Variants in CDK7 observed in about 807,000 individuals in gnomAD.
CDK7 encodes cyclin dependent kinase 7.
CDK7 carries 25 observed loss-of-function variants against 49.1 expected under a neutral mutation model. The observed-to-expected ratio is 0.51, with a 90% CI of 0.37 to 0.71. The LOEUF is 0.71. CDK7 is among the 30% of genes least tolerant of loss of function. CDK7 has a pLI of 0.00. For missense variants in CDK7, 316 were observed against 411.7 expected (o/e 0.77, Z 2.01); for synonymous variants, 107 against 140.0 (o/e 0.76, Z 1.67).
rs1407030851 is a variant in CDK7, at chr5:69,276,766, A to C, written c.1012+76A>C. ...TAGCTCGTGTATGGCTAGCGACTGAACAACAGCAAAGAAATGTAGCTTGCT... is the reference window on the plus strand; with the variant it reads ...TAGCTCGTGTATGGCTAGCGACTGACCAACAGCAAAGAAATGTAGCTTGCT... On this transcript the variant is annotated intron_variant, in intron 11 of 11. Transcript: ENST00000256443. 14 of 1,228,654 alleles carry C rather than the reference A, an allele frequency of 1.1e-5. No individual in the cohort carries two copies. The East Asian group carries it at 2.8e-4, about 25-fold the overall frequency. The allele number at this position is 1,228,654 out of a possible 1,614,324, so 76.1% of individuals were successfully genotyped here.
chr5:69,271,455 G>A (rs1388787385), intron 9 of CDK7, among the ~76,000 whole-genome samples: 1 of 150,542 alleles, frequency 6.6e-6, no homozygotes, highest in South Asian at 2.1e-4. Context: ...TCATCCTTTT[G>A]GTGTCAAGTC....
intron 2 of CDK7, among the ~76,000 whole-genome samples, chr5:69,239,416 A>T (rs1749218713): frequency 6.6e-6 from 1 of 151,194 alleles, no homozygotes; most frequent in African/African-American, 2.4e-5. Flanking sequence ...TGTCCTATTG[A>T]TTTATTGGAC....
At chr5:69,262,095 T>A in intron 7 of CDK7, 110 bp from the exon 8 acceptor site, 2 of 1,323,776 alleles carry the variant, frequency 1.5e-6, no homozygotes, top group Admixed American at 3.6e-5. Flanking sequence ...GTCCTTAAAG[T>A]AAGGGATTGC....
In CDK7 at chr5:69,258,114, A is replaced by C; in HGVS notation, c.369A>C (p.Gln123His). The change falls in exon 6 of 12, where the codon CAA becomes CAC. Residue 123 changes from glutamine to histidine, a missense_variant. By Grantham distance (24) the Gln-to-His change is conservative. Transcript: ENST00000256443. ...HIKAYMLMTL[Q>H]GLEYLHQHWI... ...AAGCCTACATGTTGATGACTCTTCA[A>C]GGATTAGAATATTTACATCAACATT... 1.3e-6 allele frequency: 2 copies of C among 1,590,524 alleles called. No homozygotes were observed. Among genetic ancestry groups the C allele is most frequent in the South Asian group, 2.3e-5 (2 of 88,508 alleles).
intron 8 of CDK7, among the ~76,000 whole-genome samples, chr5:69,267,664 T>G (rs896528526): frequency 7.0e-6 from 1 of 142,008 alleles, no homozygotes; most frequent in Admixed American, 7.2e-5. Flanking sequence ...CATTAATTCC[T>G]TAATAAAATC....
intron 10 of CDK7, among the ~76,000 whole-genome samples, chr5:69,274,743 G>A (rs1179406544): frequency 6.6e-6 from 1 of 152,004 alleles, no homozygotes; most frequent in African/African-American, 2.4e-5. Context: ...AGCCTCCCTA[G>A]TAGCTGGGAT....
chr5:69,240,689 G>A (rs1176085404), intron 2 of CDK7, among the ~76,000 whole-genome samples: 4 of 152,144 alleles, frequency 2.6e-5, no homozygotes, highest in Admixed American at 2.0e-4. Flanking sequence ...GTGCAATGGC[G>A]CGATCTCGGC....
chr5:69,271,077 T>A (rs553304458), intron 9 of CDK7, among the ~76,000 whole-genome samples: 1 of 152,362 alleles, frequency 6.6e-6, no homozygotes, highest in African/African-American at 2.4e-5. Flanking sequence ...CTGTTTTACA[T>A]TCTCATCAGC....
rs1436390965 is a variant in CDK7 at position 69,235,051 on chromosome 5, T to G, written c.66+10T>G. 6.3e-7 allele frequency: 1 copy of G among 1,597,484 alleles called. No individual in the cohort carries two copies. The highest frequency in any genetic ancestry group is 1.1e-5 in the South Asian group (1 of 88,210). Reference sequence around the variant, plus strand: ...CCTTGGGGAGGGACAGGTGAGGCTCTCTGGAAGGACGGGGAGGGCCCCAAG... The same window carrying G: ...CCTTGGGGAGGGACAGGTGAGGCTCGCTGGAAGGACGGGGAGGGCCCCAAG... On this transcript the variant is annotated intron_variant, in intron 1 of 11. Coordinates refer to ENST00000256443, the MANE Select transcript of CDK7 (RefSeq NM_001799.4).
intron 2 of CDK7, among the ~76,000 whole-genome samples, chr5:69,240,402 A>AATGTCTGT (rs1406952003): frequency 6.6e-6 from 1 of 152,152 alleles, no homozygotes; most frequent in Non-Finnish European, 1.5e-5. Flanking sequence ...GTTATGTAAG[A>AATGTCTGT]ATGTCTGTAT....
At chr5:69,239,279 T>G (rs1359402505) in intron 2 of CDK7, among the ~76,000 whole-genome samples, 1 of 152,234 alleles carries the variant, frequency 6.6e-6, no homozygotes, top group Non-Finnish European at 1.5e-5. Context: ...TTACGTAGAT[T>G]GAAAATGGTA....
chr5:69,261,707 T>C (rs1750837871), intron 7 of CDK7, among the ~76,000 whole-genome samples: 1 of 152,058 alleles, frequency 6.6e-6, no homozygotes, highest in South Asian at 2.1e-4. Flanking sequence ...ATTTTTTGTA[T>C]TTTTAGTAGA....
At chr5:69,243,845 T>G (rs1335120893) in intron 2 of CDK7, among the ~76,000 whole-genome samples, 2 of 142,338 alleles carry the variant, frequency 1.4e-5, no homozygotes, top group African/African-American at 2.6e-5. Context: ...TTTTTTTTTT[T>G]TTTTTGAGAT....
chr5:69,254,542 A>G, intron 3 of CDK7, 60 bp from the exon 4 acceptor site: 1 of 778,178 alleles, frequency 1.3e-6, no homozygotes, highest in African/African-American at 1.8e-5. Context: ...AAAAAAAAGA[A>G]GTGTTTGTAA....
chr5:69,242,534 T>A (rs1749462941), intron 2 of CDK7, among the ~76,000 whole-genome samples: 1 of 152,148 alleles, frequency 6.6e-6, no homozygotes, highest in Non-Finnish European at 1.5e-5. Context: ...ATTGTGGAGG[T>A]TGCAAAATTC....
rs1425977847 is a variant in CDK7, at chr5:69,235,025, TC to T, written c.52del (p.Glu20ArgfsTer36). On this transcript the variant is annotated frameshift_variant, in exon 1 of 12. Transcript: ENST00000256443. LOFTEE classifies it high-confidence loss of function. ...GCAAAGCGTTATGAGAAGCTGGACT[TC>T]CTTGGGGAGGGACAGGTGAGGCTCT... is the stretch of plus-strand genomic sequence containing the variant. Reference protein sequence around the residue: ...SRAKRYEKLDFLGEGQFATVY... With the variant: ...SRAKRYEKLDXLGEGQFATVY... 9.4e-6 allele frequency: 15 copies of T among 1,603,654 alleles called. No homozygotes were observed. The Admixed American group carries it at 1.2e-4, about 13-fold the overall frequency.
At chr5:69,266,518 T>G (rs1473398262) in intron 8 of CDK7, among the ~76,000 whole-genome samples, 6 of 152,158 alleles carry the variant, frequency 3.9e-5, no homozygotes, top group Non-Finnish European at 7.3e-5. Flanking sequence ...AGGCAGAGGT[T>G]GCAGAGAGTA....
chr5:69,270,306 T>G (rs1751447593), intron 9 of CDK7, among the ~76,000 whole-genome samples: 1 of 152,016 alleles, frequency 6.6e-6, no homozygotes, highest in Non-Finnish European at 1.5e-5. Context: ...TAGCCAGGCT[T>G]GGTGGTGCAC....
chr5:69,252,492 TCC>T (rs750584709), intron 3 of CDK7, 41 bp downstream of exon 3: 31 of 794,672 alleles, frequency 3.9e-5, no homozygotes, highest in Non-Finnish European at 5.1e-5. Flanking sequence ...AAAAGTTTTC[TCC>T]TTTTTTTTTT....
Sources: gnomAD v4.1 joint callset for allele counts (sites outside exome capture counted in the v4.1 genomes callset) on GRCh38, gnomAD v4.1.1 for gene constraint, MANE v1.5 for transcripts, NCBI Gene and HGNC (gene_info 2026-07-23, HGNC 2026-07-21) for gene names.